The following DOCK5 variants were observed in gnomAD, a reference collection of about 807,000 sequenced individuals.
DOCK5 encodes the protein dedicator of cytokinesis 5.
Under a neutral mutation model 251.8 loss-of-function variants are expected in DOCK5, and 142 were observed. The observed-to-expected ratio is 0.56, with a 90% confidence interval of 0.49 to 0.65. The LOEUF is 0.65. Among genes scored for constraint, DOCK5 ranks in the 30% least tolerant of loss-of-function variants. The pLI is 0.00. For synonymous variants in DOCK5, 842 were observed against 835.5 expected, an observed-to-expected ratio of 1.01 and a Z score of -0.13; for missense variants, 2,111 against 2,312.3, an observed-to-expected ratio of 0.91 and a Z score of 1.79.
chr8:25,400,733 T>G (rs191893275), intron 46 of DOCK5, among the ~76,000 whole-genome samples, 196 bp from the exon 47 acceptor site: 1 of 152,266 alleles, frequency 6.6e-6, no homozygotes, highest in Non-Finnish European at 1.5e-5. Flanking sequence ...ACCTGTATTC[T>G]TGGTGTGCAC....
At chr8:25,314,737 C>G (rs1474635930) in intron 13 of DOCK5, among the ~76,000 whole-genome samples, 3 of 140,076 alleles carry the variant, frequency 2.1e-5, no homozygotes, top group African/African-American at 5.2e-5. Context: ...ACCCATCCAT[C>G]CCTCCCTCCA....
chr8:25,289,637 G>A (rs572453835), intron 5 of DOCK5, among the ~76,000 whole-genome samples: 2 of 152,024 alleles, frequency 1.3e-5, no homozygotes, highest in Admixed American at 1.3e-4. Flanking sequence ...GAGGTCGGGA[G>A]TTTGAGACCA....
chr8:25,210,196 G>A lies in DOCK5; in HGVS notation c.43+25245G>A, dbSNP rs976293017. Among the ~76,000 whole-genome samples the A allele has an allele frequency of 4.8e-5, 3 of 62,676 alleles. 1 individual carries two copies. Among genetic ancestry groups the A allele is most frequent in the East Asian group, 6.8e-4 (2 of 2,922 alleles). 41.1% of individuals were successfully genotyped at this position (62,676 alleles called of 152,430 possible). ...TAGTCTTGAACTCTTGGCCTCAAGC[G>A]ATCCTCCTGCCTTGGGCTCCCAAAG... On this transcript the variant is annotated intron_variant, in intron 1 of 51. Transcript: ENST00000276440.
rs940831857 is a variant in DOCK5 at position 25,209,955 on chromosome 8, C to G, written c.43+25004C>G. Among the ~76,000 whole-genome samples, 2 of 61,044 alleles carry G rather than the reference C, an allele frequency of 3.3e-5. 1 individual carries two copies. The highest frequency in any genetic ancestry group is 1.0e-4 in the Non-Finnish European group (2 of 20,038). The allele number at this position is 61,044 out of a possible 152,430, so 40.0% of individuals were successfully genotyped here. The stretch of plus-strand genomic sequence containing the variant: ...TGCAGTGGCGCCATGATCCTCCCCC[C>G]TCAGTCTCTTGAGCTGCTGGGACTA... On this transcript the variant is annotated intron_variant, in intron 1 of 51. Transcript: ENST00000276440.
intron 44 of DOCK5, 79 bp downstream of exon 44, chr8:25,392,961 G>T: frequency 7.8e-7 from 1 of 1,276,124 alleles, no homozygotes. Flanking sequence ...AATTCCCTCT[G>T]CAGTTCACAC....
chr8:25,374,171 T>A (rs968078003), intron 36 of DOCK5, among the ~76,000 whole-genome samples: 2 of 152,038 alleles, frequency 1.3e-5, no homozygotes, highest in African/African-American at 4.8e-5. Flanking sequence ...GCACAGTGTA[T>A]TGAAGAAATG....
rs1472980264 is a variant in DOCK5, at chr8:25,400,886, C to T, written c.4789-43C>T. On this transcript the variant is annotated intron_variant, in intron 46 of 51. Coordinates refer to ENST00000276440, the MANE Select transcript of DOCK5 (RefSeq NM_024940.8). ...CCCCAACCAAATCAAAACGATCCCT[C>T]TTCCTGAAGCACACTGCACTCATTT... The T allele has an allele frequency of 2.5e-6, 4 of 1,609,640 alleles. No homozygotes were observed. The South Asian group carries it at 3.3e-5, about 13-fold the overall frequency.
chr8:25,308,519 C>T (rs1017981375), intron 11 of DOCK5, among the ~76,000 whole-genome samples: 1 of 152,112 alleles, frequency 6.6e-6, no homozygotes, highest in African/African-American at 2.4e-5. Context: ...GGAGTGTTGC[C>T]TCTGATTTTA....
At chr8:25,261,159 A>T (rs1803568561) in intron 2 of DOCK5, among the ~76,000 whole-genome samples, 1 of 152,020 alleles carries the variant, frequency 6.6e-6, no homozygotes, top group African/African-American at 2.4e-5. Flanking sequence ...TTATTCCTTT[A>T]TAACTTTTAG....
At chr8:25,358,415 C>T (rs1423045757) in intron 27 of DOCK5, among the ~76,000 whole-genome samples, 1 of 152,164 alleles carries the variant, frequency 6.6e-6, no homozygotes, top group East Asian at 1.9e-4. Context: ...GCCCCTCCCA[C>T]AACACATGGG....
intron 22 of DOCK5, among the ~76,000 whole-genome samples, chr8:25,338,129 CT>C (rs145989197): frequency 0.081 from 12,340 of 151,982 alleles, 597 homozygotes; most frequent in East Asian, 0.18. Flanking sequence ...CTGCACTCTG[CT>C]TCCCGGGCTC....
rs749458527 is a variant in DOCK5, at chr8:25,332,603, T to G, written c.2002T>G (p.Phe668Val). ...MEVDGGEIVK[F>V]LQDTLDALFN... ...ACCTCTCCGTTTTTCTTATCTTCAG[T>G]TTTTGCAAGATACACTAGATGCACT... The change falls in exon 20 of 52, where the codon TTT (phenylalanine) becomes GTT (valine). Residue 668 changes from phenylalanine (F) to valine (V), a missense_variant and splice_region_variant. This residue lies in a region of DOCK5 where 1,717 missense variants were observed against 1,892.4 expected (regional missense o/e 0.91). Coordinates refer to ENST00000276440, the MANE Select transcript of DOCK5 (RefSeq NM_024940.8). The G allele has an allele frequency of 6.2e-7, 1 of 1,607,244 alleles. No homozygotes were observed. The highest frequency in any genetic ancestry group is 1.1e-5 in the South Asian group (1 of 89,554).
chr8:25,328,458 T>C (rs2117211691), intron 18 of DOCK5, among the ~76,000 whole-genome samples: 1 of 152,334 alleles, frequency 6.6e-6, no homozygotes, highest in African/African-American at 2.4e-5. Flanking sequence ...ATGCATTTGC[T>C]TTCTTCTGAC....
chr8:25,407,337 T>C (rs1801539903), intron 48 of DOCK5, among the ~76,000 whole-genome samples: 1 of 152,122 alleles, frequency 6.6e-6, no homozygotes, highest in South Asian at 2.1e-4. Flanking sequence ...ACAGGCTATC[T>C]GGCTCCAGAG....
intron 1 of DOCK5, among the ~76,000 whole-genome samples, chr8:25,242,684 T>C (rs949708617): frequency 6.6e-6 from 1 of 152,240 alleles, no homozygotes; most frequent in African/African-American, 2.4e-5. Flanking sequence ...TTTTGAGTTA[T>C]GAGTTAGTCT....
chr8:25,353,355 A>G (rs766331703), intron 27 of DOCK5, among the ~76,000 whole-genome samples: 2 of 152,134 alleles, frequency 1.3e-5, no homozygotes, highest in African/African-American at 4.8e-5. Flanking sequence ...ATAAAATAAA[A>G]CAAAATAAAA....
intron 5 of DOCK5, among the ~76,000 whole-genome samples, chr8:25,285,971 T>G (rs1804320122): frequency 1.3e-5 from 2 of 152,222 alleles, no homozygotes; most frequent in South Asian, 4.1e-4. Context: ...GTTGCCTGGC[T>G]GTCAGGATTT....
chr8:25,223,849 T>C (rs745561362), intron 1 of DOCK5, among the ~76,000 whole-genome samples: 9 of 152,216 alleles, frequency 5.9e-5, no homozygotes, highest in Non-Finnish European at 1.3e-4. Flanking sequence ...CTGTACTTTA[T>C]GGATGAAGCA....
chr8:25,248,492 C>T (rs998825269), intron 2 of DOCK5, among the ~76,000 whole-genome samples: 15 of 152,114 alleles, frequency 9.9e-5, no homozygotes, highest in African/African-American at 3.1e-4. Context: ...AGCTTCCTGT[C>T]GGAGCTGACT....
Sources: gnomAD v4.1 joint callset for allele counts (sites outside exome capture counted in the v4.1 genomes callset) on GRCh38, gnomAD v4.1.1 for gene constraint, gnomAD v4.1.1 regional missense constraint, MANE v1.5 for transcripts, NCBI Gene and HGNC (gene_info 2026-07-23, HGNC 2026-07-21) for gene names.